The following SCN1A variants were observed in gnomAD, a reference collection of about 807,000 sequenced individuals.
The protein encoded by SCN1A is sodium channel protein type 1 subunit alpha.
A neutral mutation model predicts 193.7 loss-of-function variants in SCN1A; 13 were observed. The ratio of observed to expected loss-of-function variants is 0.07; its 90% CI spans 0.04 to 0.11. The LOEUF (loss-of-function observed/expected upper bound fraction) is 0.11, where lower values mean the gene tolerates loss of function less well. Ranked by LOEUF, SCN1A falls within the 10% of genes least tolerant of loss-of-function variation. SCN1A has a pLI of 1.00. For missense variants in SCN1A, 1,432 were observed against 2,451.1 expected (o/e 0.58, Z 8.78); for synonymous variants, 781 against 843.6 (o/e 0.93, Z 1.29).
At chr2:166,120,594 C>CTTT in intron 2 of SCN1A, among the ~76,000 whole-genome samples, 1 of 101,760 alleles carries the variant, frequency 9.8e-6, no homozygotes, top group South Asian at 3.4e-4. Flanking sequence ...TTTTTCTTTT[C>CTTT]TCTTTTTTTT....
At position 166,057,801 on chromosome 2, in the gene SCN1A, C is replaced by T. The variant is rs190683921; in HGVS notation, c.383+769G>A. ...ATTTTAATATCTATTATTGTCAAAGCTATCAAACAAGATACAATCAGAAGT... is the reference window on the plus strand; with the variant it reads ...ATTTTAATATCTATTATTGTCAAAGTTATCAAACAAGATACAATCAGAAGT... On this transcript the variant is annotated intron_variant, in intron 5 of 28. Coordinates refer to ENST00000674923, the MANE Select transcript of SCN1A (RefSeq NM_001165963.4). Among the ~76,000 whole-genome samples the T allele has an allele frequency of 2.6e-3, 400 of 151,958 alleles. 7 individuals are homozygous for T. The highest frequency in any genetic ancestry group is 0.014 in the Middle Eastern group (4 of 294).
At chr2:166,051,236 G>A (rs1698521616) in intron 9 of SCN1A, among the ~76,000 whole-genome samples, 1 of 151,986 alleles carries the variant, frequency 6.6e-6, no homozygotes, top group South Asian at 2.1e-4. Context: ...TTAAATGTAT[G>A]TGGAAGCCAT....
chr2:166,027,289 C>G (rs1420837070), intron 19 of SCN1A: 2 of 152,164 alleles, frequency 1.3e-5, no homozygotes, highest in African/African-American at 4.8e-5. Context: ...TAACAATGCT[C>G]TTTACTATAG....
At chr2:166,054,867 A>G in intron 6 of SCN1A, 101 bp from the exon 7 acceptor site, 1 of 1,059,090 alleles carries the variant, frequency 9.4e-7, no homozygotes, top group East Asian at 2.5e-5. Flanking sequence ...ATACTAAAAA[A>G]GAAAACTAAG....
At chr2:166,086,703 A>G (rs925439124) in intron 2 of SCN1A, among the ~76,000 whole-genome samples, 4 of 152,122 alleles carry the variant, frequency 2.6e-5, no homozygotes, top group African/African-American at 9.7e-5. Flanking sequence ...TATGAACCTC[A>G]TCATTCTTCA....
At chr2:166,035,647 C>T (rs1289196846) in intron 19 of SCN1A, among the ~76,000 whole-genome samples, 1 of 152,114 alleles carries the variant, frequency 6.6e-6, no homozygotes, top group African/African-American at 2.4e-5. Flanking sequence ...TAAACATGCT[C>T]AGGAAATGTA....
chr2:166,144,946 G>C (rs1692248157), intron 1 of SCN1A, among the ~76,000 whole-genome samples: 1 of 151,424 alleles, frequency 6.6e-6, no homozygotes, highest in Non-Finnish European at 1.5e-5. Flanking sequence ...CCGCCTCCCG[G>C]GTTCAAGCGA....
chr2:166,138,886 G>T (rs1213800651), intron 1 of SCN1A, among the ~76,000 whole-genome samples: 1 of 152,178 alleles, frequency 6.6e-6, no homozygotes, highest in Non-Finnish European at 1.5e-5. Flanking sequence ...AGCAACAGGT[G>T]TGGAGCTTCC....
At chr2:166,017,504 G>C (rs1388332927) in intron 19 of SCN1A, among the ~76,000 whole-genome samples, 1 of 151,882 alleles carries the variant, frequency 6.6e-6, no homozygotes, top group African/African-American at 2.4e-5. Context: ...TCATCATTTG[G>C]CCGTAAAGTG....
chr2:166,063,737 T>G (rs1222418105), intron 4 of SCN1A, among the ~76,000 whole-genome samples: 1 of 152,104 alleles, frequency 6.6e-6, no homozygotes, highest in African/African-American at 2.4e-5. Flanking sequence ...CAGGTGAAAT[T>G]AATTTTAACA....
At chr2:166,136,462 T>A (rs575762955) in intron 1 of SCN1A, among the ~76,000 whole-genome samples, 1 of 152,154 alleles carries the variant, frequency 6.6e-6, no homozygotes, top group South Asian at 2.1e-4. Flanking sequence ...CACACACAAC[T>A]GCTAATGAGT....
chr2:166,111,262 T>C (rs964838496), intron 2 of SCN1A, among the ~76,000 whole-genome samples: 6 of 152,102 alleles, frequency 3.9e-5, no homozygotes, highest in Admixed American at 3.9e-4. Flanking sequence ...ACCAGTGACT[T>C]TAAGTTGAAG....
chr2:166,080,910 C>T (rs948726743), intron 2 of SCN1A, among the ~76,000 whole-genome samples: 7 of 151,610 alleles, frequency 4.6e-5, no homozygotes, highest in Non-Finnish European at 1.0e-4. Context: ...ATTACCTTCT[C>T]GGGAGACTTT....
chr2:166,143,789 A>C (rs1361820010), intron 1 of SCN1A, among the ~76,000 whole-genome samples: 1 of 152,212 alleles, frequency 6.6e-6, no homozygotes, highest in Non-Finnish European at 1.5e-5. Flanking sequence ...GAGGTTTCTC[A>C]AAAAACTTTG....
chr2:166,037,303 G>T (rs560834354), intron 18 of SCN1A, among the ~76,000 whole-genome samples: 174 of 152,320 alleles, frequency 1.1e-3, no homozygotes, highest in African/African-American at 3.9e-3. Context: ...ATGGGGCAAA[G>T]AAATGGCACA....
intron 2 of SCN1A, among the ~76,000 whole-genome samples, chr2:166,101,677 C>T (rs569342104): frequency 1.4e-4 from 21 of 152,132 alleles, no homozygotes; most frequent in Middle Eastern, 3.4e-3. Context: ...GCTAACCATA[C>T]GCAGAAGATT....
chr2:166,035,775 T>A lies in SCN1A; in HGVS notation c.3429+273A>T, dbSNP rs561026027. 2.0e-5 allele frequency among the ~76,000 whole-genome samples: 3 copies of A among 152,296 alleles called. No individual in the cohort carries two copies. In the East Asian group the frequency reaches 5.8e-4, roughly 29 times the overall value. ...CTGTACGGTAAATATTGGTTGTTTA[T>A]CCTTGTAATCACGTGGTTGACTGGG... On this transcript the variant is annotated intron_variant, in intron 19 of 28. Coordinates refer to ENST00000674923, the MANE Select transcript of SCN1A (RefSeq NM_001165963.4).
chr2:166,010,579 G>A (rs1050573868), intron 22 of SCN1A, among the ~76,000 whole-genome samples: 1 of 151,096 alleles, frequency 6.6e-6, no homozygotes, highest in African/African-American at 2.4e-5. Flanking sequence ...AAAATCTTAC[G>A]TATCTAATTC....
intron 24 of SCN1A, among the ~76,000 whole-genome samples, chr2:166,001,714 A>G (rs754154044): frequency 6.6e-6 from 1 of 151,548 alleles, no homozygotes; most frequent in East Asian, 1.9e-4. Context: ...TATAAATTAT[A>G]AACTATTTTT....
Sources: allele counts gnomAD v4.1 joint callset (sites outside exome capture counted in the v4.1 genomes callset), GRCh38; gene constraint gnomAD v4.1.1; transcripts MANE v1.5; gene names NCBI Gene and HGNC (gene_info 2026-07-23, HGNC 2026-07-21).